Variants in PTPRD observed in about 807,000 individuals in gnomAD.
PTPRD encodes receptor-type tyrosine-protein phosphatase delta.
PTPRD carries 34 observed loss-of-function variants against 214.5 expected under a neutral mutation model. The ratio of observed to expected loss-of-function variants is 0.16; its 90% CI spans 0.12 to 0.21. The LOEUF is 0.21. PTPRD is among the 10% of genes least tolerant of loss of function. PTPRD has a pLI of 1.00. For synonymous variants in PTPRD, 1,128 were observed against 845.7 expected (o/e 1.33, Z -5.79); for missense variants, 2,545 against 2,398.7 (o/e 1.06, Z -1.27).
At chr9:10,292,873 T>A (rs1446804879) in intron 3 of PTPRD, among the ~76,000 whole-genome samples, 4 of 151,876 alleles carry the variant, frequency 2.6e-5, no homozygotes, top group Non-Finnish European at 2.9e-5. Flanking sequence ...TTATAATGTG[T>A]GTATATAAAT....
intron 4 of PTPRD, among the ~76,000 whole-genome samples, chr9:9,942,204 T>C (rs568991076): frequency 6.6e-6 from 1 of 152,222 alleles, no homozygotes; most frequent in South Asian, 2.1e-4. Flanking sequence ...TACAAACGAA[T>C]ACAACCATAC....
chr9:8,598,869 G>A (rs1023844135), intron 14 of PTPRD, among the ~76,000 whole-genome samples: 4 of 152,154 alleles, frequency 2.6e-5, no homozygotes, highest in Admixed American at 6.5e-5. Context: ...ATTTCAAGAC[G>A]TAGAAGCAAA....
At position 10,040,914 on chromosome 9, in the gene PTPRD, T is replaced by C. The variant is rs527551412; in HGVS notation, c.-544-7124A>G. ...GAGCTATTATTGGGCAACTCCACCC[T>C]CTTGCTAACCAAATTTACTGTAATG... On this transcript the variant is annotated intron_variant, in intron 3 of 45. Coordinates refer to ENST00000381196, the MANE Select transcript of PTPRD (RefSeq NM_002839.4). Among the ~76,000 whole-genome samples, 5 of 152,212 alleles carry C rather than the reference T, an allele frequency of 3.3e-5. No homozygotes were observed. In the South Asian group the frequency reaches 1.0e-3, roughly 32 times the overall value.
At position 9,119,188 on chromosome 9, in the gene PTPRD, G is replaced by A. The variant is rs1037500564; in HGVS notation, c.-143+64116C>T. On this transcript the variant is annotated intron_variant, in intron 10 of 45. Transcript: ENST00000381196. ...AACCTTGTTGAGTTTATCTTATTAT[G>A]ACTCCTTATCATTTTATAGGTTTAC... 2.6e-5 allele frequency among the ~76,000 whole-genome samples: 4 copies of A among 152,274 alleles called. No individual in the cohort carries two copies. In the South Asian group the frequency reaches 8.3e-4, roughly 32 times the overall value.
chr9:8,317,882 C>T lies in PTPRD; in HGVS notation c.5731G>A (p.Ala1911Thr), dbSNP rs2130445893. ...GAATGGGTCAGGGGTTTCTACGTTG[C>T]ATAGTGGTCAAAGCTGCCCAGGTAC... is the stretch of plus-strand genomic sequence containing the variant. ...LEYLGSFDHY[A>T]T The change falls in exon 46 of 46, where the codon GCA becomes ACA. Residue 1911 changes from alanine (A) to threonine (T), a missense_variant. By Grantham distance (58) the Ala-to-Thr change is moderately conservative. Transcript: ENST00000381196. 2 of 1,612,090 alleles carry T rather than the reference C, an allele frequency of 1.2e-6. No individual in the cohort carries two copies. The highest frequency in any genetic ancestry group is 1.7e-6 in the Non-Finnish European group (2 of 1,178,656).
intron 34 of PTPRD, among the ~76,000 whole-genome samples, 178 bp downstream of exon 34, chr9:8,449,547 G>C (rs1460608462): frequency 6.6e-6 from 1 of 152,194 alleles, no homozygotes; most frequent in Non-Finnish European, 1.5e-5. Flanking sequence ...CCGGTTTGCA[G>C]AAAGAACTTA....
chr9:10,405,300 G>A (rs1460263808), intron 2 of PTPRD, among the ~76,000 whole-genome samples: 1 of 151,682 alleles, frequency 6.6e-6, no homozygotes, highest in Non-Finnish European at 1.5e-5. Flanking sequence ...ATTATAACAA[G>A]TAAGTTTTTC....
rs546824879 is a variant in PTPRD, at chr9:10,586,409, G to C, written c.-600+25989C>G. Among the ~76,000 whole-genome samples the C allele has an allele frequency of 2.0e-5, 3 of 152,028 alleles. No individual in the cohort carries two copies. In the South Asian group the frequency reaches 6.2e-4, roughly 32 times the overall value. On this transcript the variant is annotated intron_variant, in intron 2 of 45. Coordinates refer to ENST00000381196, the MANE Select transcript of PTPRD (RefSeq NM_002839.4). ...GCTATATTCAGCTCAATAAAAAAGT[G>C]AAATAGAAAAGAGCAATCATGAGAA...
intron 12 of PTPRD, among the ~76,000 whole-genome samples, chr9:8,683,691 G>T (rs1259022987): frequency 1.3e-5 from 2 of 152,142 alleles, no homozygotes; most frequent in African/African-American, 2.4e-5. Context: ...ATTTGAATCT[G>T]GGCACAGGGT....
intron 11 of PTPRD, among the ~76,000 whole-genome samples, chr9:8,903,101 C>T (rs954013972): frequency 7.3e-5 from 11 of 151,504 alleles, no homozygotes; most frequent in African/African-American, 2.7e-4. Context: ...GTGAAACTTG[C>T]TTAAGGCCAC....
intron 3 of PTPRD, among the ~76,000 whole-genome samples, chr9:10,061,674 C>T (rs965594915): frequency 5.9e-5 from 9 of 152,004 alleles, no homozygotes; most frequent in African/African-American, 7.2e-5. Flanking sequence ...GCTGATTTAT[C>T]CAGCCAGAAA....
At chr9:9,517,625 T>A (rs1215601558) in intron 8 of PTPRD, among the ~76,000 whole-genome samples, 1 of 152,054 alleles carries the variant, frequency 6.6e-6, no homozygotes, top group South Asian at 2.1e-4. Flanking sequence ...AGTGAAACAT[T>A]AGAATCCAAT....
chr9:10,034,743 G>C (rs2097147363), intron 3 of PTPRD, among the ~76,000 whole-genome samples: 2 of 151,988 alleles, frequency 1.3e-5, no homozygotes, highest in African/African-American at 4.8e-5. Flanking sequence ...ACAAAGTCCT[G>C]CACAGGAAAT....
chr9:8,717,528 T>C (rs753573344), intron 12 of PTPRD, among the ~76,000 whole-genome samples: 1 of 152,148 alleles, frequency 6.6e-6, no homozygotes, highest in Admixed American at 6.5e-5. Flanking sequence ...ATCCTCCACA[T>C]AGCTGCCAGT....
intron 5 of PTPRD, among the ~76,000 whole-genome samples, chr9:9,845,015 T>C (rs1458243863): frequency 1.4e-5 from 2 of 147,452 alleles, no homozygotes; most frequent in Non-Finnish European, 3.0e-5. Context: ...TGAAATACTG[T>C]ATGTATATAT....
intron 5 of PTPRD, among the ~76,000 whole-genome samples, chr9:9,918,948 A>G (rs895624068): frequency 6.6e-6 from 1 of 152,116 alleles, no homozygotes; most frequent in East Asian, 1.9e-4. Flanking sequence ...AAAATGGCAT[A>G]TAGTTACAGA....
chr9:9,422,518 C>G (rs2079183621), intron 8 of PTPRD, among the ~76,000 whole-genome samples: 1 of 152,058 alleles, frequency 6.6e-6, no homozygotes, highest in South Asian at 2.1e-4. Context: ...GGACAAAGAT[C>G]CCGGAAGGAC....
rs16924718 is a variant in PTPRD, at chr9:9,408,234, A to G, written c.-236-10752T>C. 3.9e-3 allele frequency among the ~76,000 whole-genome samples: 588 copies of G among 151,932 alleles called. 8 individuals carry two copies. In the East Asian group the frequency reaches 0.069, roughly 18 times the overall value. On this transcript the variant is annotated intron_variant, in intron 8 of 45. Transcript: ENST00000381196. The stretch of plus-strand genomic sequence containing the variant: ...TTCTGACAGCAAAGGAAATTATTAT[A>G]TGTGCAAATTGGGTATCACTTCTTA...
chr9:9,978,474 G>A (rs7874442), intron 4 of PTPRD, among the ~76,000 whole-genome samples: 116,289 of 151,918 alleles, frequency 0.77, 45,076 homozygotes, highest in Middle Eastern at 0.89. Context: ...AAAATAAAAT[G>A]TATGCTTGTA....
Sources: allele counts gnomAD v4.1 joint callset (sites outside exome capture counted in the v4.1 genomes callset), GRCh38; gene constraint gnomAD v4.1.1; transcripts MANE v1.5; gene names NCBI Gene and HGNC (gene_info 2026-07-23, HGNC 2026-07-21).